MTRR: variants seen among roughly 807,000 people sequenced by gnomAD.
The protein encoded by MTRR is methionine synthase reductase.
Under a neutral mutation model 79.2 loss-of-function variants are expected in MTRR, and 63 were observed. That is an observed-to-expected ratio of 0.80 (90% CI 0.65 to 0.98). The LOEUF is 0.98. Among genes scored for constraint, MTRR ranks in the 50% least tolerant of loss-of-function variants. The probability of loss-of-function intolerance (pLI) is 0.00; values close to 1 mark genes in which losing one functional copy is unlikely to be tolerated. For missense variants in MTRR, 895 were observed against 839.6 expected (o/e 1.07, Z -0.82); for synonymous variants, 355 against 313.3 (o/e 1.13, Z -1.41).
chr5:7,861,831 T>C, intron 1 of MTRR: 4 of 1,295,164 alleles, frequency 3.1e-6, no homozygotes, highest in South Asian at 2.1e-5. Context: ...ATTGGCTTTA[T>C]GATCAATCAA....
At chr5:7,889,326 GC>G (rs1406631601) in intron 9 of MTRR, 51 bp downstream of exon 9, 1 of 1,605,938 alleles carries the variant, frequency 6.2e-7, no homozygotes, top group East Asian at 2.2e-5. Flanking sequence ...GCACTGGTAG[GC>G]GGGCCACCTT....
chr5:7,870,752 T>A lies in MTRR; in HGVS notation c.-25-18T>A. 1 of 1,614,054 alleles carries A rather than the reference T, an allele frequency of 6.2e-7. No homozygotes were observed. On this transcript the variant is annotated intron_variant, in intron 1 of 14. Transcript: ENST00000440940. Reference sequence around the variant, plus strand: ...ACTGCTTCATTAAAAAGAGGATCTTTTTTCCCCCATTTTTCAGTTTCACTG... The same window carrying A: ...ACTGCTTCATTAAAAAGAGGATCTTATTTCCCCCATTTTTCAGTTTCACTG...
intron 5 of MTRR, 110 bp from the exon 6 acceptor site, chr5:7,883,045 C>A: frequency 7.1e-7 from 1 of 1,412,438 alleles, no homozygotes; most frequent in Non-Finnish European, 1.0e-6. Flanking sequence ...GAAATGAATA[C>A]TGAGTAGCCA....
intron 2 of MTRR, 45 bp downstream of exon 2, chr5:7,870,968 A>G (rs1747874251): frequency 1.9e-6 from 3 of 1,613,064 alleles, no homozygotes; most frequent in African/African-American, 2.7e-5. Context: ...GCTTTGAAGA[A>G]TTTTGGTTGG....
At chr5:7,895,084 T>C (rs932513033) in intron 11 of MTRR, among the ~76,000 whole-genome samples, 30 of 152,368 alleles carry the variant, frequency 2.0e-4, no homozygotes, top group African/African-American at 7.2e-4. Context: ...GGGAATCCTG[T>C]CATTCTTAAA....
At chr5:7,877,758 T>G (rs982936517) in intron 4 of MTRR, among the ~76,000 whole-genome samples, 186 bp from the exon 5 acceptor site, 1 of 152,272 alleles carries the variant, frequency 6.6e-6, no homozygotes, top group Middle Eastern at 3.4e-3. Flanking sequence ...ACGGTGCTAA[T>G]GAACACATAA....
rs748418818 is a variant in MTRR at position 7,889,097 on chromosome 5, A to G, written c.1149A>G (p.Ala383=). ...TTAAGGCGGGCTCCTTTTTGTAGGC[A>G]TTTTTGCGAGCCCTTGTGGACTATA... is the stretch of plus-strand genomic sequence containing the variant. ...CLEIRAIPKK[A]FLRALVDYTS... is the part of the protein sequence containing the mutation. Residue 383 remains alanine, a splice_region_variant and synonymous_variant, in exon 9 of 15, where the codon GCA becomes GCG. Transcript: ENST00000440940. 1.5e-5 allele frequency: 25 copies of G among 1,613,946 alleles called. No homozygotes were observed. In the East Asian group the frequency reaches 3.6e-4, roughly 23 times the overall value.
At chr5:7,863,085 G>A in intron 2 of MTRR, 2 of 1,124,698 alleles carry the variant, frequency 1.8e-6, no homozygotes, top group Non-Finnish European at 2.6e-6. Flanking sequence ...AGAAAAGTTT[G>A]ATATAACATT....
chr5:7,870,973 G>A (rs1041855004), intron 2 of MTRR, 50 bp downstream of exon 2: 2 of 1,611,802 alleles, frequency 1.2e-6, no homozygotes, highest in Non-Finnish European at 8.5e-7. Context: ...GAAGAATTTT[G>A]GTTGGGAAGT....
At chr5:7,899,454 A>G (rs902054452) in intron 14 of MTRR, among the ~76,000 whole-genome samples, 2 of 152,256 alleles carry the variant, frequency 1.3e-5, no homozygotes, top group Non-Finnish European at 2.9e-5. Flanking sequence ...GACCTGGCAC[A>G]TAGTAAGTCC....
upstream of MTRR, chr5:7,867,977 AC>A: frequency 6.2e-7 from 1 of 1,614,158 alleles, no homozygotes; most frequent in East Asian, 2.2e-5. Context: ...CTCCTTGACT[AC>A]CTTGTGAACA....
At chr5:7,887,449 G>A (rs937178198) in intron 8 of MTRR, among the ~76,000 whole-genome samples, 1 of 151,246 alleles carries the variant, frequency 6.6e-6, no homozygotes. Flanking sequence ...CCCCAGTGTG[G>A]TTTTCGTGTC....
intron 5 of MTRR, among the ~76,000 whole-genome samples, chr5:7,878,735 G>T (rs114326678): frequency 6.6e-6 from 1 of 152,258 alleles, no homozygotes; most frequent in Non-Finnish European, 1.5e-5. Context: ...AAACAGAGAT[G>T]AGTTGTGTGG....
At chr5:7,868,486 C>T (rs937891545), upstream of MTRR, among the ~76,000 whole-genome samples, 5 of 152,000 alleles carry the variant, frequency 3.3e-5, no homozygotes, top group Admixed American at 3.3e-4. Flanking sequence ...TAAGGGTGGC[C>T]CTTAAATGTT....
At chr5:7,862,962 T>C in intron 2 of MTRR, 1 of 1,613,864 alleles carries the variant, frequency 6.2e-7, no homozygotes, top group South Asian at 1.1e-5. Flanking sequence ...GGGTAAGAAA[T>C]GACTTCACTT....
chr5:7,860,451 G>A (rs1014698635), intron 1 of MTRR, among the ~76,000 whole-genome samples: 1 of 152,130 alleles, frequency 6.6e-6, no homozygotes, highest in African/African-American at 2.4e-5. Context: ...AATTAAAACA[G>A]AACATATATT....
intron 14 of MTRR, among the ~76,000 whole-genome samples, 162 bp downstream of exon 14, chr5:7,897,409 T>C (rs796559899): frequency 2.6e-4 from 39 of 152,304 alleles, no homozygotes; most frequent in African/African-American, 8.9e-4. Flanking sequence ...TTTTGACATA[T>C]TTAATAGCCC....
rs71591748 is a variant in MTRR at position 7,891,289 on chromosome 5, A to ATTTT, written c.1328-63_1328-60dup. ...TTGAGTATTCTAAATAAGACATGGA[A>ATTTT]TTTTTTTTTTTTTTTTTTTTTTTAG... On this transcript the variant is annotated intron_variant, in intron 9 of 14. Coordinates refer to ENST00000440940, the MANE Select transcript of MTRR (RefSeq NM_002454.3). 1.0e-3 allele frequency: 370 copies of ATTTT among 365,066 alleles called. 7 individuals are homozygous for ATTTT. Among genetic ancestry groups the ATTTT allele is most frequent in the East Asian group, 3.2e-3 (57 of 17,960 alleles). 22.6% of individuals were successfully genotyped at this position (365,066 alleles called of 1,614,324 possible). A position where few individuals can be genotyped will look rare whatever the true frequency, so the allele number is the denominator to read the frequency against.
Position 7,878,154 on chromosome 5 carries a change from T to C in MTRR, c.612T>C (p.Ser204=), listed in dbSNP as rs374670570. The change falls in exon 5 of 15, where the codon TCT becomes TCC. Residue 204 remains serine (S), a synonymous_variant. Coordinates refer to ENST00000440940, the MANE Select transcript of MTRR (RefSeq NM_002454.3). ...TCGATGATTCAGGAAGAAAGGATTC[T>C]GAGGTTTTGAAGCAAAATGCAGTGA... ...LRFDDSGRKD[S]EVLKQNAVNS... 8 of 1,614,062 alleles carry C rather than the reference T, an allele frequency of 5.0e-6. No individual in the cohort carries two copies. Among genetic ancestry groups the C allele is most frequent in the Non-Finnish European group, 6.8e-6 (8 of 1,180,048 alleles).
Sources: gnomAD v4.1 joint callset for allele counts (sites outside exome capture counted in the v4.1 genomes callset) on GRCh38, gnomAD v4.1.1 for gene constraint, MANE v1.5 for transcripts, NCBI Gene and HGNC (gene_info 2026-07-23, HGNC 2026-07-21) for gene names.